Variants in SYNE3 observed in about 807,000 individuals in gnomAD.
SYNE3 encodes the protein nesprin-3.
In SYNE3, 100 loss-of-function variants were observed where a neutral mutation model predicts 111.2. That is an observed-to-expected ratio of 0.90 (90% CI 0.77 to 1.06). The LOEUF is 1.06. Among genes scored for constraint, SYNE3 ranks in the 50% least tolerant of loss-of-function variants. SYNE3 has a pLI of 0.00. For missense variants in SYNE3, 1,160 were observed against 1,240.3 expected (o/e 0.94, Z 0.97); for synonymous variants, 547 against 533.9 (o/e 1.02, Z -0.34).
chr14:95,515,273 C>G (rs179152), intron 1 of SYNE3, among the ~76,000 whole-genome samples: 1 of 152,120 alleles, frequency 6.6e-6, no homozygotes, highest in African/African-American at 2.4e-5. Context: ...GAGCACCGTC[C>G]GGCCTGAGGA....
chr14:95,456,930 A>T (rs969890009), intron 5 of SYNE3, among the ~76,000 whole-genome samples: 4 of 151,876 alleles, frequency 2.6e-5, no homozygotes, highest in African/African-American at 9.7e-5. Context: ...TAAAAATACA[A>T]AAAAATTAGC....
chr14:95,435,882 T>A (rs926015102), intron 15 of SYNE3, among the ~76,000 whole-genome samples: 1 of 152,122 alleles, frequency 6.6e-6, no homozygotes, highest in African/African-American at 2.4e-5. Context: ...GGATGAGCCA[T>A]GACCTAGATG....
chr14:95,413,494 C>T lies in SYNE3; in HGVS notation c.*4332G>A, dbSNP rs146870211. On this transcript the variant is annotated 3_prime_UTR_variant, in exon 18 of 18. Coordinates refer to ENST00000682763, the MANE Select transcript of SYNE3 (RefSeq NM_152592.6). ...CTCTTTACTCCCTAACTGTGGGCAGCCCCAGCCTCCCATCCCCTGCAAGGC... is the reference window on the plus strand; with the variant it reads ...CTCTTTACTCCCTAACTGTGGGCAGTCCCAGCCTCCCATCCCCTGCAAGGC... The T allele has an allele frequency of 3.7e-3, 559 of 152,442 alleles. 7 individuals are homozygous for T. Among genetic ancestry groups the T allele is most frequent in the African/African-American group, 0.013 (524 of 41,568 alleles). 9.4% of individuals were successfully genotyped at this position (152,442 alleles called of 1,614,324 possible). A position where few individuals can be genotyped will look rare whatever the true frequency, so the allele number is the denominator to read the frequency against.
intron 8 of SYNE3, among the ~76,000 whole-genome samples, chr14:95,446,922 G>C (rs1263207057): frequency 6.6e-6 from 1 of 152,198 alleles, no homozygotes; most frequent in African/African-American, 2.4e-5. Flanking sequence ...AGCTGTTTCA[G>C]GTAAGCACCT....
intron 5 of SYNE3, among the ~76,000 whole-genome samples, chr14:95,456,877 G>A (rs1304307606): frequency 6.6e-6 from 1 of 152,152 alleles, no homozygotes; most frequent in African/African-American, 2.4e-5. Flanking sequence ...AAGGTCAGGA[G>A]ATCGAGACCA....
chr14:95,470,226 T>C lies in SYNE3; in HGVS notation c.145-2259A>G, dbSNP rs763197093. 1.2e-4 allele frequency among the ~76,000 whole-genome samples: 18 copies of C among 152,296 alleles called. No individual in the cohort carries two copies. Among genetic ancestry groups the C allele is most frequent in the Middle Eastern group, 3.4e-3 (1 of 294 alleles). On this transcript the variant is annotated intron_variant, in intron 2 of 17. Coordinates refer to ENST00000682763, the MANE Select transcript of SYNE3 (RefSeq NM_152592.6). This position sits in a 1 kb window ranked among gnomAD's most constrained non-coding sequence, Gnocchi z 4.2. ...ACCCAAGGGCCAGTGTGGAATGTTC[T>C]AGACTGAATACGATTATCCACCCAG...
chr14:95,424,826 A>T (rs1885345665), intron 17 of SYNE3, among the ~76,000 whole-genome samples: 1 of 152,242 alleles, frequency 6.6e-6, no homozygotes, highest in Non-Finnish European at 1.5e-5. Flanking sequence ...GAAAACAGAG[A>T]TGTGGCAATA....
chr14:95,488,696 G>GA lies in SYNE3; in HGVS notation c.-14-12862_-14-12861insT. Among the ~76,000 whole-genome samples the GA allele has an allele frequency of 3.1e-5, 4 of 127,686 alleles. 1 individual carries two copies. The highest frequency in any genetic ancestry group is 6.5e-5 in the Non-Finnish European group (4 of 61,442). 83.8% of individuals were successfully genotyped at this position (127,686 alleles called of 152,430 possible). On this transcript the variant is annotated intron_variant, in intron 1 of 17. Coordinates refer to ENST00000682763, the MANE Select transcript of SYNE3 (RefSeq NM_152592.6). ...GGGTGGGGTGGGGAGGGAAGGGGAA[G>GA]GGAGGAGAGGAGAGGAGAGGAGAGG... is the stretch of plus-strand genomic sequence containing the variant.
At chr14:95,486,597 C>A (rs1006770802) in intron 1 of SYNE3, among the ~76,000 whole-genome samples, 1 of 152,144 alleles carries the variant, frequency 6.6e-6, no homozygotes, top group Admixed American at 6.5e-5. Flanking sequence ...ACCACACACA[C>A]GTCACCACAG....
chr14:95,437,505 G>A (rs914207542), intron 14 of SYNE3, among the ~76,000 whole-genome samples: 2 of 152,098 alleles, frequency 1.3e-5, no homozygotes, highest in Non-Finnish European at 2.9e-5. Flanking sequence ...TCCTCTGTGG[G>A]GAACACACCT....
At chr14:95,511,172 C>T (rs1890707532) in intron 1 of SYNE3, among the ~76,000 whole-genome samples, 1 of 152,226 alleles carries the variant, frequency 6.6e-6, no homozygotes, top group Non-Finnish European at 1.5e-5. Context: ...GAACCTGCTT[C>T]CCCCACTGGA....
At chr14:95,506,279 G>A (rs552807163) in intron 1 of SYNE3, among the ~76,000 whole-genome samples, 1 of 152,212 alleles carries the variant, frequency 6.6e-6, no homozygotes, top group Non-Finnish European at 1.5e-5. Flanking sequence ...AGGACCTGCT[G>A]TGGTGATATT....
chr14:95,461,753 A>T (rs999684), intron 4 of SYNE3, among the ~76,000 whole-genome samples: 112,200 of 151,888 alleles, frequency 0.74, 41,713 homozygotes, highest in Admixed American at 0.84. Flanking sequence ...CGAGGACAGA[A>T]CCATCGCTGG....
At chr14:95,464,814 A>AG (rs1168326112) in intron 4 of SYNE3, among the ~76,000 whole-genome samples, 1 of 152,250 alleles carries the variant, frequency 6.6e-6, no homozygotes, top group Non-Finnish European at 1.5e-5. Flanking sequence ...CTACCATGTC[A>AG]GGGGACACAT....
At position 95,439,033 on chromosome 14, in the gene SYNE3, G is replaced by A. The variant is rs1335352974; in HGVS notation, c.2376C>T (p.Arg792=). 8.1e-6 allele frequency: 13 copies of A among 1,614,044 alleles called. No individual in the cohort carries two copies. The highest frequency in any genetic ancestry group is 2.2e-5 in the East Asian group (1 of 44,890). ...PMDPIPRHRR[R]ANLLQEEEGS... is the part of the protein sequence containing the mutation. ...CCACAGCCCTGCTAGACAGACTCAC[G>A]CGTCGACGATGCCTGGGAATAGGAT... The change falls in exon 14 of 18, where the codon CGC becomes CGT. Residue 792 remains arginine, a splice_region_variant and synonymous_variant. Coordinates refer to ENST00000682763, the MANE Select transcript of SYNE3 (RefSeq NM_152592.6).
At chr14:95,433,078 G>C (rs1440159574) in intron 16 of SYNE3, among the ~76,000 whole-genome samples, 182 bp downstream of exon 16, 1 of 152,154 alleles carries the variant, frequency 6.6e-6, no homozygotes, top group African/African-American at 2.4e-5. Flanking sequence ...TGGCCAAATG[G>C]CGTCACCTAA....
rs761069662 is a variant in SYNE3 at position 95,418,044 on chromosome 14, C to G, written c.2728-18G>C. On this transcript the variant is annotated intron_variant, in intron 17 of 17. Coordinates refer to ENST00000682763, the MANE Select transcript of SYNE3 (RefSeq NM_152592.6). ...CGCCGAGTCTGCGGAACCAACACAG[C>G]ACAGGTGAGTGGGCTGGGGGGCTCT... 1.1e-5 allele frequency: 18 copies of G among 1,605,260 alleles called. No homozygotes were observed. The African/African-American group carries it at 2.1e-4, about 19-fold the overall frequency.
intron 1 of SYNE3, among the ~76,000 whole-genome samples, chr14:95,483,271 C>T (rs187847617): frequency 1.4e-4 from 22 of 152,276 alleles, no homozygotes; most frequent in African/African-American, 5.3e-4. Flanking sequence ...GCCCCATTAG[C>T]GATTACAGCC....
At chr14:95,492,422 A>T (rs1350646556) in intron 1 of SYNE3, among the ~76,000 whole-genome samples, 1 of 152,258 alleles carries the variant, frequency 6.6e-6, no homozygotes, top group Non-Finnish European at 1.5e-5. Flanking sequence ...ATGGAATATT[A>T]TTCACCTGTG....
Sources: allele counts gnomAD v4.1 joint callset (sites outside exome capture counted in the v4.1 genomes callset), GRCh38; gene constraint gnomAD v4.1.1; non-coding constraint Gnocchi (gnomAD v3.1); transcripts MANE v1.5; gene names NCBI Gene and HGNC (gene_info 2026-07-23, HGNC 2026-07-21).